PLLP: variants seen among roughly 807,000 people sequenced by gnomAD.
The protein encoded by PLLP is plasmolipin, also known as plasma membrane proteolipid (plasmolipin).
A neutral mutation model predicts 19.7 loss-of-function variants in PLLP; 15 were observed. The observed-to-expected ratio is 0.76, with a 90% CI of 0.51 to 1.17. The LOEUF is 1.17. PLLP is among the 50% of genes most tolerant of loss of function. The pLI, the probability that PLLP is intolerant of heterozygous loss-of-function variation, is 0.00. For missense variants in PLLP, 255 were observed against 258.3 expected, an observed-to-expected ratio of 0.99 and a Z score of 0.09; for synonymous variants, 111 against 116.3, an observed-to-expected ratio of 0.95 and a Z score of 0.29.
intron 1 of PLLP, among the ~76,000 whole-genome samples, chr16:57,278,201 G>A (rs1184451468): frequency 6.6e-6 from 1 of 152,112 alleles, no homozygotes; most frequent in African/African-American, 2.4e-5. Flanking sequence ...TGAGTTGGGT[G>A]TAGTGGCAGG....
chr16:57,264,353 G>A lies in PLLP; in HGVS notation c.136-2283C>T, dbSNP rs75104852. On this transcript the variant is annotated intron_variant, in intron 1 of 3. Transcript: ENST00000219207. ...CTTGGAAGTCAAAAGCTGTGTGGCT[G>A]TGTGATGCTGACCGAGTACCTTCCC... Among the ~76,000 whole-genome samples, 573 of 152,356 alleles carry A rather than the reference G, an allele frequency of 3.8e-3. 4 individuals carry two copies. The highest frequency in any genetic ancestry group is 0.012 in the African/African-American group (485 of 41,582).
At chr16:57,273,233 C>G (rs1901098570) in intron 1 of PLLP, among the ~76,000 whole-genome samples, 3 of 151,560 alleles carry the variant, frequency 2.0e-5, no homozygotes, top group African/African-American at 7.3e-5. Flanking sequence ...GCACTCCAGC[C>G]TGGGGGACAG....
In PLLP at chr16:57,284,458, G is replaced by T; in HGVS notation, c.83C>A (p.Pro28Gln). 1 of 1,413,708 alleles carries T rather than the reference G, an allele frequency of 7.1e-7. No homozygotes were observed. The allele number at this position is 1,413,708 out of a possible 1,614,324, so 87.6% of individuals were successfully genotyped here. A position where few individuals can be genotyped will look rare whatever the true frequency, so the allele number is the denominator to read the frequency against. ...GCGGGAGCGCACGAAGCCCAGGTCCGGGCGCAGCGCCGACACCGAGGCTTC... is the reference window on the plus strand; with the variant it reads ...GCGGGAGCGCACGAAGCCCAGGTCCTGGCGCAGCGCCGACACCGAGGCTTC... ...GAEASVSALRPDLGFVRSRLG... is the reference protein window; with the variant it reads ...GAEASVSALRQDLGFVRSRLG... Residue 28 changes from proline (P) to glutamine (Q), a missense_variant, in exon 1 of 4, where the codon CCG (proline) becomes CAG (glutamine). By Grantham distance (76) the Pro-to-Gln change is moderately conservative. Coordinates refer to ENST00000219207, the MANE Select transcript of PLLP (RefSeq NM_015993.3).
Position 57,265,515 on chromosome 16 carries a change from A to G in PLLP, c.136-3445T>C, listed in dbSNP as rs533020226. Among the ~76,000 whole-genome samples the G allele has an allele frequency of 5.3e-5, 8 of 152,368 alleles. No homozygotes were observed. The South Asian group carries it at 1.7e-3, about 32-fold the overall frequency. ...AAATGCAATGAACCAAAAATCAAGAAAAGACCAATTCAGGTTTCCACTATC... is the reference window on the plus strand; with the variant it reads ...AAATGCAATGAACCAAAAATCAAGAGAAGACCAATTCAGGTTTCCACTATC... On this transcript the variant is annotated intron_variant, in intron 1 of 3. Transcript: ENST00000219207.
At chr16:57,282,549 T>TC (rs1901233247) in intron 1 of PLLP, among the ~76,000 whole-genome samples, 1 of 151,944 alleles carries the variant, frequency 6.6e-6, no homozygotes, top group Admixed American at 6.6e-5. Flanking sequence ...GAGGGATCCC[T>TC]CACAGGGATC....
At position 57,261,884 on chromosome 16, in the gene PLLP, C is replaced by G. The variant is rs199998764; in HGVS notation, c.309+13G>C. The G allele has an allele frequency of 2.0e-5, 32 of 1,612,446 alleles. No homozygotes were observed. The highest frequency in any genetic ancestry group is 2.6e-5 in the Non-Finnish European group (31 of 1,178,648). The stretch of plus-strand genomic sequence containing the variant: ...CTGTCATAGCCACTTCCAGTACCCC[C>G]ACCCAGACTCACCACCAGTGGCCAG... On this transcript the variant is annotated intron_variant, in intron 2 of 3. Transcript: ENST00000219207.
chr16:57,271,997 A>G (rs1334559318), intron 1 of PLLP, among the ~76,000 whole-genome samples: 1 of 151,914 alleles, frequency 6.6e-6, no homozygotes, highest in Non-Finnish European at 1.5e-5. Flanking sequence ...AACCACACAG[A>G]GCATTCCCAG....
At chr16:57,281,567 G>T (rs1228492154) in intron 1 of PLLP, among the ~76,000 whole-genome samples, 1 of 144,426 alleles carries the variant, frequency 6.9e-6, no homozygotes, top group Non-Finnish European at 1.5e-5. Flanking sequence ...CTGGAGTGCC[G>T]TGGCGCCATC....
At chr16:57,257,929 A>G (rs543978531) in intron 3 of PLLP, among the ~76,000 whole-genome samples, 29 of 152,292 alleles carry the variant, frequency 1.9e-4, no homozygotes, top group Admixed American at 1.3e-3. Context: ...CTGTAATCTC[A>G]GCACTTTAAC....
intron 1 of PLLP, among the ~76,000 whole-genome samples, chr16:57,262,728 G>A (rs1363779580): frequency 1.3e-5 from 2 of 152,026 alleles, no homozygotes; most frequent in African/African-American, 4.8e-5. Flanking sequence ...GAGTGAAATT[G>A]TCTCAAAAAA....
chr16:57,276,831 C>G (rs545305053), intron 1 of PLLP, among the ~76,000 whole-genome samples: 19 of 152,138 alleles, frequency 1.2e-4, no homozygotes, highest in Non-Finnish European at 2.5e-4. Context: ...CCAGTAGTCC[C>G]ACTCCTGGAA....
Position 57,271,260 on chromosome 16 carries a change from T to C in PLLP, c.136-9190A>G, listed in dbSNP as rs141007990. ...AGGTCCTGCAGCCCCCACGTGTACT[T>C]GCAGCCAAGGAGCCACTACCACCTC... is the stretch of plus-strand genomic sequence containing the variant. On this transcript the variant is annotated intron_variant, in intron 1 of 3. Transcript: ENST00000219207. Among the ~76,000 whole-genome samples the C allele has an allele frequency of 4.9e-3, 748 of 152,246 alleles. 8 individuals carry two copies. The highest frequency in any genetic ancestry group is 0.017 in the African/African-American group (698 of 41,544).
At chr16:57,276,942 C>T (rs1178706576) in intron 1 of PLLP, among the ~76,000 whole-genome samples, 1 of 152,120 alleles carries the variant, frequency 6.6e-6, no homozygotes, top group East Asian at 1.9e-4. Context: ...GGACTGACCA[C>T]ACAGTCACAC....
intron 1 of PLLP, among the ~76,000 whole-genome samples, chr16:57,282,913 C>G (rs1901236594): frequency 1.3e-5 from 2 of 152,204 alleles, no homozygotes; most frequent in Admixed American, 1.3e-4. Context: ...TTTCGCACCA[C>G]TTCTCACACC....
At chr16:57,283,802 G>T (rs1901247673) in intron 1 of PLLP, among the ~76,000 whole-genome samples, 1 of 152,246 alleles carries the variant, frequency 6.6e-6, no homozygotes, top group African/African-American at 2.4e-5. Context: ...GAGAAAGCTA[G>T]AAGAGCCCGG....
intron 1 of PLLP, among the ~76,000 whole-genome samples, chr16:57,277,211 C>T (rs1430056487): frequency 1.3e-5 from 2 of 152,212 alleles, no homozygotes; most frequent in African/African-American, 4.8e-5. Context: ...AAGGAGTCAA[C>T]TTTAACCAAA....
rs1440923298 is a variant in PLLP, at chr16:57,284,491, T to G, written c.50A>C (p.Gln17Pro). The G allele has an allele frequency of 2.1e-6, 3 of 1,428,998 alleles. No homozygotes were observed. Among genetic ancestry groups the G allele is most frequent in the South Asian group, 1.4e-5 (1 of 69,052 alleles). 88.5% of individuals were successfully genotyped at this position (1,428,998 alleles called of 1,614,324 possible). Residue 17 changes from glutamine (Q) to proline (P), a missense_variant, in exon 1 of 4, where the codon CAG becomes CCG. Coordinates refer to ENST00000219207, the MANE Select transcript of PLLP (RefSeq NM_015993.3). ...CGCCGACACCGAGGCTTCGGCGCCC[T>G]GCGCAGGACTGCTGGTCCGCGTGCT... ...KVSTRTSSPA[Q>P]GAEASVSALR...
intron 1 of PLLP, among the ~76,000 whole-genome samples, chr16:57,276,727 C>T (rs1901159125): frequency 6.6e-6 from 1 of 152,078 alleles, no homozygotes; most frequent in South Asian, 2.1e-4. Flanking sequence ...AGGAACCTTC[C>T]AGGAGGCATG....
chr16:57,257,173 G>T (rs2075428575), intron 3 of PLLP, 144 bp from the exon 4 acceptor site: 3 of 643,628 alleles, frequency 4.7e-6, no homozygotes, highest in East Asian at 2.7e-5. Context: ...GTTTATCATG[G>T]GGCTGATGAG....
Sources: allele counts gnomAD v4.1 joint callset (sites outside exome capture counted in the v4.1 genomes callset), GRCh38; gene constraint gnomAD v4.1.1; transcripts MANE v1.5; gene names NCBI Gene and HGNC (gene_info 2026-07-23, HGNC 2026-07-21).